PDCD1LG2: variants seen among roughly 807,000 people sequenced by gnomAD.
The protein encoded by PDCD1LG2 is B7 dendritic cell molecule.
Under a neutral mutation model 28.2 loss-of-function variants are expected in PDCD1LG2, and 32 were observed. The observed-to-expected ratio is 1.13, with a 90% CI of 0.86 to 1.52. The LOEUF (loss-of-function observed/expected upper bound fraction) is 1.52. Among genes scored for constraint, PDCD1LG2 ranks in the 40% most tolerant of loss-of-function variants. PDCD1LG2 has a pLI of 0.00. For missense variants in PDCD1LG2, 385 were observed against 323.8 expected, an observed-to-expected ratio of 1.19 and a Z score of -1.45; for synonymous variants, 116 against 120.2, an observed-to-expected ratio of 0.97 and a Z score of 0.23.
At chr9:5,536,337 A>G (rs1223577979) in intron 3 of PDCD1LG2, among the ~76,000 whole-genome samples, 1 of 152,220 alleles carries the variant, frequency 6.6e-6, no homozygotes, top group Non-Finnish European at 1.5e-5. Context: ...AGACTTGGTT[A>G]AAAGACCCTC....
chr9:5,551,309 C>A (rs1816327006), intron 4 of PDCD1LG2, among the ~76,000 whole-genome samples: 1 of 152,128 alleles, frequency 6.6e-6, no homozygotes, highest in Non-Finnish European at 1.5e-5. Flanking sequence ...TCACAGTTTG[C>A]CCTTTGTCTT....
intron 1 of PDCD1LG2, among the ~76,000 whole-genome samples, chr9:5,516,493 G>A (rs1820166807): frequency 6.6e-6 from 1 of 152,208 alleles, no homozygotes; most frequent in African/African-American, 2.4e-5. Context: ...TGGCTCCCAG[G>A]CTTTGGGCCA....
At chr9:5,568,708 C>G (rs545924091) in intron 6 of PDCD1LG2, among the ~76,000 whole-genome samples, 11 of 152,354 alleles carry the variant, frequency 7.2e-5, no homozygotes, top group African/African-American at 2.2e-4. Flanking sequence ...TTCACACTTT[C>G]TTTCTTCAGG....
intron 4 of PDCD1LG2, among the ~76,000 whole-genome samples, chr9:5,551,520 A>G (rs1816333389): frequency 1.3e-5 from 2 of 152,212 alleles, no homozygotes. Context: ...GTCTACTCAG[A>G]CAAAGAATTT....
intron 5 of PDCD1LG2, among the ~76,000 whole-genome samples, chr9:5,559,299 C>A (rs946784816): frequency 2.6e-5 from 4 of 152,182 alleles, no homozygotes; most frequent in African/African-American, 7.2e-5. Context: ...CAAACAATTT[C>A]TTTTATATTT....
intron 3 of PDCD1LG2, among the ~76,000 whole-genome samples, chr9:5,542,771 G>A (rs529699539): frequency 6.6e-6 from 1 of 152,204 alleles, no homozygotes; most frequent in Admixed American, 6.5e-5. Flanking sequence ...ACAGTGTGGA[G>A]ATTCCTTTAA....
At chr9:5,537,634 A>T (rs1020543249) in intron 3 of PDCD1LG2, among the ~76,000 whole-genome samples, 2 of 152,322 alleles carry the variant, frequency 1.3e-5, no homozygotes, top group Middle Eastern at 3.4e-3. Context: ...CAAGGACAAA[A>T]AACCAAACAC....
chr9:5,538,317 A>G (rs994349866), intron 3 of PDCD1LG2, among the ~76,000 whole-genome samples: 6 of 152,152 alleles, frequency 3.9e-5, no homozygotes, highest in African/African-American at 1.4e-4. Flanking sequence ...TATTTAAAAT[A>G]TGTAATATTG....
rs1563833006 is a variant in PDCD1LG2, at chr9:5,557,645, C to G, written c.659C>G (p.Thr220Ser). ...CAGATGGAACCCAGGACCCATCCAA[C>G]TTGGCTGCTTCACATTTTCATCCCC... ...QSQMEPRTHPTWLLHIFIPFC... is the reference protein window; with the variant it reads ...QSQMEPRTHPSWLLHIFIPFC... Residue 220 changes from threonine to serine, a missense_variant, in exon 5 of 7, where the codon ACT becomes AGT. By Grantham distance (58) the Thr-to-Ser change is moderately conservative. Coordinates refer to ENST00000397747, the MANE Select transcript of PDCD1LG2 (RefSeq NM_025239.4). 1 of 1,613,988 alleles carries G rather than the reference C, an allele frequency of 6.2e-7. No homozygotes were observed. The highest frequency in any genetic ancestry group is 1.1e-5 in the South Asian group (1 of 91,080).
At position 5,535,197 on chromosome 9, in the gene PDCD1LG2, G is replaced by A; in HGVS notation, c.361+147G>A. 1.2e-5 allele frequency: 9 copies of A among 756,938 alleles called. No individual in the cohort carries two copies. In the South Asian group the frequency reaches 1.6e-4, roughly 13 times the overall value. The allele number at this position is 756,938 out of a possible 1,614,324, so 46.9% of individuals were successfully genotyped here. A position where few individuals can be genotyped will look rare whatever the true frequency, so the allele number is the denominator to read the frequency against. The stretch of plus-strand genomic sequence containing the variant: ...TATTTCAGAGAAAATGAAAGCATCT[G>A]CTCGGAAATAATTTTTGACATCTGA... On this transcript the variant is annotated intron_variant, in intron 3 of 6. Coordinates refer to ENST00000397747, the MANE Select transcript of PDCD1LG2 (RefSeq NM_025239.4).
rs559784818 is a variant in PDCD1LG2, at chr9:5,532,869, T to A, written c.56-1876T>A. Among the ~76,000 whole-genome samples, 3 of 152,336 alleles carry A rather than the reference T, an allele frequency of 2.0e-5. No individual in the cohort carries two copies. In the South Asian group the frequency reaches 6.2e-4, roughly 32 times the overall value. On this transcript the variant is annotated intron_variant, in intron 2 of 6. Transcript: ENST00000397747. ...GCCTGCCAGATCTAGGCACTTCACATGTAACACCTCGTCCAGCCTCCACCA... is the reference window on the plus strand; with the variant it reads ...GCCTGCCAGATCTAGGCACTTCACAAGTAACACCTCGTCCAGCCTCCACCA...
chr9:5,543,505 C>G (rs757244775), intron 3 of PDCD1LG2, among the ~76,000 whole-genome samples: 1 of 147,078 alleles, frequency 6.8e-6, no homozygotes, highest in Admixed American at 6.9e-5. Flanking sequence ...CACCACTGCA[C>G]TCCAGCCTGG....
chr9:5,556,406 T>C (rs189774842), intron 4 of PDCD1LG2, among the ~76,000 whole-genome samples: 69 of 152,322 alleles, frequency 4.5e-4, no homozygotes, highest in East Asian at 1.3e-3. Flanking sequence ...AATCACACTC[T>C]TTTGGATGGA....
rs1462579047 is a variant in PDCD1LG2, at chr9:5,549,308, T to G, written c.362-27T>G. On this transcript the variant is annotated intron_variant, in intron 3 of 6. Coordinates refer to ENST00000397747, the MANE Select transcript of PDCD1LG2 (RefSeq NM_025239.4). ...CTATAGGAATCAGAAAATAAAGTCT[T>G]ATTTCTTTTTCTTCTCTATTGTCCA... The G allele has an allele frequency of 4.4e-6, 7 of 1,584,426 alleles. No individual in the cohort carries two copies. The East Asian group carries it at 1.6e-4, about 36-fold the overall frequency.
chr9:5,549,446 T>C lies in PDCD1LG2; in HGVS notation c.473T>C (p.Val158Ala), dbSNP rs2129875637. Residue 158 changes from valine (V) to alanine (A), a missense_variant, in exon 4 of 7, where the codon GTC becomes GCC. Physicochemically the swap from Val to Ala is moderately conservative, Grantham distance 64. Coordinates refer to ENST00000397747, the MANE Select transcript of PDCD1LG2 (RefSeq NM_025239.4). ...YPLAEVSWPN[V>A]SVPANTSHSR... is the part of the protein sequence containing the mutation. Reference sequence around the variant, plus strand: ...CTGGCAGAAGTATCCTGGCCAAACGTCAGCGTTCCTGCCAACACCAGCCAC... The same window carrying C: ...CTGGCAGAAGTATCCTGGCCAAACGCCAGCGTTCCTGCCAACACCAGCCAC... The C allele has an allele frequency of 6.2e-7, 1 of 1,614,136 alleles. No individual in the cohort carries two copies. The highest frequency in any genetic ancestry group is 8.5e-7 in the Non-Finnish European group (1 of 1,180,034).
chr9:5,521,177 A>G (rs1820266775), intron 1 of PDCD1LG2, among the ~76,000 whole-genome samples: 1 of 152,222 alleles, frequency 6.6e-6, no homozygotes, highest in Admixed American at 6.5e-5. Flanking sequence ...TGATAGAGAC[A>G]GAAACTAGAT....
chr9:5,529,086 T>C (rs1820434350), intron 2 of PDCD1LG2, among the ~76,000 whole-genome samples: 1 of 152,240 alleles, frequency 6.6e-6, no homozygotes, highest in Admixed American at 6.5e-5. Context: ...TCAAATATTC[T>C]TTTGAAGTCT....
At chr9:5,526,140 T>C (rs1395566051) in intron 2 of PDCD1LG2, among the ~76,000 whole-genome samples, 2 of 152,070 alleles carry the variant, frequency 1.3e-5, no homozygotes, top group Non-Finnish European at 2.9e-5. Context: ...TCATTAGTAA[T>C]GTGCTAGTTC....
rs1816344350 is a variant in PDCD1LG2, at chr9:5,551,999, A to T, written c.631+2395A>T. Among the ~76,000 whole-genome samples, 4 of 152,072 alleles carry T rather than the reference A, an allele frequency of 2.6e-5. No individual in the cohort carries two copies. The South Asian group carries it at 8.3e-4, about 32-fold the overall frequency. ...CTCACTCATCCACCATACATTCCAGATTTCCCTCACCTAACACCCCAGATG... is the reference window on the plus strand; with the variant it reads ...CTCACTCATCCACCATACATTCCAGTTTTCCCTCACCTAACACCCCAGATG... On this transcript the variant is annotated intron_variant, in intron 4 of 6. Coordinates refer to ENST00000397747, the MANE Select transcript of PDCD1LG2 (RefSeq NM_025239.4).
Sources: allele counts gnomAD v4.1 joint callset (sites outside exome capture counted in the v4.1 genomes callset), GRCh38; gene constraint gnomAD v4.1.1; transcripts MANE v1.5; gene names NCBI Gene and HGNC (gene_info 2026-07-23, HGNC 2026-07-21).